Variants in BICRA observed in about 807,000 individuals in gnomAD.
BICRA encodes BRD4 interacting chromatin remodeling complex associated protein, also known as BRD4-interacting chromatin-remodeling complex-associated protein.
Under a neutral mutation model 96.9 loss-of-function variants are expected in BICRA, and 31 were observed. The observed-to-expected ratio is 0.32, with a 90% CI of 0.24 to 0.43. The LOEUF (loss-of-function observed/expected upper bound fraction) is 0.43. BICRA is among the 20% of genes least tolerant of loss of function. BICRA has a pLI of 1.00. For synonymous variants in BICRA, 1,350 were observed against 1,071.8 expected (o/e 1.26, Z -5.07); for missense variants, 2,283 against 2,190.3 (o/e 1.04, Z -0.84).
chr19:47,672,708 G>A (rs1972885492), intron 2 of BICRA, among the ~76,000 whole-genome samples: 1 of 151,952 alleles, frequency 6.6e-6, no homozygotes, highest in South Asian at 2.1e-4. Context: ...AATAAATACA[G>A]AGAACACCTG....
At chr19:47,616,152 A>G (rs1163908633) in intron 1 of BICRA, 1 of 152,388 alleles carries the variant, frequency 6.6e-6, no homozygotes, top group Admixed American at 6.5e-5. Context: ...AAGAGTGGGC[A>G]TGAGAGGAAA....
intron 1 of BICRA, among the ~76,000 whole-genome samples, chr19:47,637,741 T>C (rs1430632272): frequency 6.6e-6 from 1 of 152,174 alleles, no homozygotes; most frequent in Non-Finnish European, 1.5e-5. Flanking sequence ...TTTCGCTTCC[T>C]GTCTCCATGG....
At chr19:47,626,814 C>T (rs553718496) in intron 1 of BICRA, among the ~76,000 whole-genome samples, 28 of 151,084 alleles carry the variant, frequency 1.9e-4, no homozygotes, top group Admixed American at 4.6e-4. Context: ...CTCCACCTCC[C>T]GGGTTCAAGC....
At chr19:47,609,712 G>A (rs560646160) in intron 1 of BICRA, among the ~76,000 whole-genome samples, 48 of 151,994 alleles carry the variant, frequency 3.2e-4, no homozygotes, top group African/African-American at 1.0e-3. Flanking sequence ...CGGAGGCGGA[G>A]AGCCTGCATC....
At chr19:47,611,587 C>T (rs1260407320) in intron 1 of BICRA, among the ~76,000 whole-genome samples, 2 of 152,184 alleles carry the variant, frequency 1.3e-5, no homozygotes, top group African/African-American at 4.8e-5. Context: ...TCTGGTTGTT[C>T]CTATGCCCTG....
rs749651960 is a variant in BICRA at position 47,698,946 on chromosome 19, T to G, written c.3398-19T>G. The G allele has an allele frequency of 6.4e-7, 1 of 1,553,412 alleles. No individual in the cohort carries two copies. Among genetic ancestry groups the G allele is most frequent in the Admixed American group, 1.9e-5 (1 of 52,896 alleles). On this transcript the variant is annotated intron_variant, in intron 12 of 14. Coordinates refer to ENST00000594866, the MANE Select transcript of BICRA (RefSeq NM_001394372.1). The surrounding 1 kb of genome is among the most constrained non-coding windows in gnomAD (Gnocchi z 4.8). Reference sequence around the variant, plus strand: ...CGCCCCCAACATCTCCGCCCTTGCCTCTCTTCCCTTCCTCGCAGTGGACGA... The same window carrying G: ...CGCCCCCAACATCTCCGCCCTTGCCGCTCTTCCCTTCCTCGCAGTGGACGA...
At chr19:47,626,782 C>T (rs1020332490) in intron 1 of BICRA, among the ~76,000 whole-genome samples, 3 of 142,210 alleles carry the variant, frequency 2.1e-5, no homozygotes, top group Non-Finnish European at 3.0e-5. Flanking sequence ...AGTGCAATGG[C>T]GTGATCTCAG....
In BICRA at chr19:47,680,109, C is replaced by T. The variant is rs904896524; in HGVS notation, c.939C>T (p.Ala313=). 6.5e-7 allele frequency: 1 copy of T among 1,538,842 alleles called. No individual in the cohort carries two copies. The highest frequency in any genetic ancestry group is 2.0e-5 in the Admixed American group (1 of 49,260). The change falls in exon 6 of 15, where the codon GCC becomes GCT. Residue 313 remains alanine (A), a synonymous_variant. Coordinates refer to ENST00000594866, the MANE Select transcript of BICRA (RefSeq NM_001394372.1). ...CTGTGTTCGGAGGCGCGGGGGCCGC[C>T]TCGGCTCCCACCGGGACGCCCTCGG... The part of the protein sequence containing the change: ...GNSVFGGAGA[A]SAPTGTPSGQ...
rs1973322925 is a variant in BICRA, at chr19:47,695,403, G to A, written c.3115G>A (p.Ala1039Thr). 14 of 1,481,446 alleles carry A rather than the reference G, an allele frequency of 9.5e-6. No homozygotes were observed. Among genetic ancestry groups the A allele is most frequent in the Non-Finnish European group, 1.1e-5 (12 of 1,108,700 alleles). 91.8% of individuals were successfully genotyped at this position (1,481,446 alleles called of 1,614,324 possible). A position where few individuals can be genotyped will look rare whatever the true frequency, so the allele number is the denominator to read the frequency against. ...GCTTCCAGCCGAGAACAAGGCTTTTGCCAGCAACCTCCCGACCCTGAATGT... is the reference window on the plus strand; with the variant it reads ...GCTTCCAGCCGAGAACAAGGCTTTTACCAGCAACCTCCCGACCCTGAATGT... ...PLLPAENKAFASNLPTLNVAK... is the reference protein window; with the variant it reads ...PLLPAENKAFTSNLPTLNVAK... The change falls in exon 10 of 15, where the codon GCC (alanine) becomes ACC (threonine). Residue 1039 changes from alanine to threonine, a missense_variant. Transcript: ENST00000594866.
At position 47,698,775 on chromosome 19, in the gene BICRA, C is replaced by A; in HGVS notation, c.3390C>A (p.Tyr1130Ter). Reference protein sequence around the residue: ...YQGALPSPSDYHKVDEEFETV... With the variant: ...YQGALPSPSD ...GCGCCCTCCCCTCCCCCAGTGACTA[C>A]CACAAAGGTGAGGCCTCCCCAGGAC... The change falls in exon 12 of 15, where the codon TAC (tyrosine) becomes TAA (stop). Residue 1130 changes from tyrosine to a stop codon, truncating the protein, a stop_gained. Transcript: ENST00000594866. LOFTEE classifies it high-confidence loss of function. The surrounding 1 kb of genome is among the most constrained non-coding windows in gnomAD (Gnocchi z 4.8). 1 of 1,604,064 alleles carries A rather than the reference C, an allele frequency of 6.2e-7. No homozygotes were observed.
chr19:47,653,015 C>CTTTTTT (rs869230602), intron 1 of BICRA, among the ~76,000 whole-genome samples: 4 of 113,724 alleles, frequency 3.5e-5, no homozygotes, highest in Admixed American at 9.0e-5. Context: ...CGTCCTCATT[C>CTTTTTT]TTTTTTTTTT....
chr19:47,698,626 A>T lies in BICRA; in HGVS notation c.3249-8A>T. Reference sequence around the variant, plus strand: ...GCCGTGTGTGGTCTCTCCCCTTTCCACCCGCAGTTTCCTGGAGCATTTGCA... The same window carrying T: ...GCCGTGTGTGGTCTCTCCCCTTTCCTCCCGCAGTTTCCTGGAGCATTTGCA... On this transcript the variant is annotated splice_region_variant and splice_polypyrimidine_tract_variant and intron_variant, in intron 11 of 14. Transcript: ENST00000594866. The surrounding 1 kb of genome is among the most constrained non-coding windows in gnomAD (Gnocchi z 4.8). The T allele has an allele frequency of 1.8e-6, 2 of 1,130,008 alleles. No individual in the cohort carries two copies. Among genetic ancestry groups the T allele is most frequent in the Non-Finnish European group, 2.4e-6 (2 of 825,442 alleles). 70.0% of individuals were successfully genotyped at this position (1,130,008 alleles called of 1,614,324 possible). A position where few individuals can be genotyped will look rare whatever the true frequency, so the allele number is the denominator to read the frequency against.
chr19:47,623,834 TTCTC>T (rs912739990), intron 1 of BICRA, among the ~76,000 whole-genome samples: 3 of 150,178 alleles, frequency 2.0e-5, no homozygotes, highest in African/African-American at 4.9e-5. Flanking sequence ...GAAGTGTTCT[TTCTC>T]TCTCTCTCTT....
At chr19:47,695,175 G>T (rs1006927366) in intron 9 of BICRA, 95 bp downstream of exon 9, 2 of 875,462 alleles carry the variant, frequency 2.3e-6, no homozygotes, top group Non-Finnish European at 1.7e-6. Flanking sequence ...AGGGCTGTGG[G>T]ACTCAGCACA....
At chr19:47,677,712 A>G (rs542329246) in intron 5 of BICRA, among the ~76,000 whole-genome samples, 2 of 152,326 alleles carry the variant, frequency 1.3e-5, no homozygotes, top group South Asian at 2.1e-4. Flanking sequence ...AAACCCAAAG[A>G]AACAAAAAGC....
rs756541942 is a variant in BICRA at position 47,680,640 on chromosome 19, G to A, written c.1470G>A (p.Pro490=). Residue 490 remains proline (P), a synonymous_variant, in exon 6 of 15, where the codon CCG becomes CCA. Transcript: ENST00000594866. ...TCCCGCAGCAGCTCTCAGCCCTGCCGGCCAACGTGGGCGGGCAGATCCTGG... is the reference window on the plus strand; with the variant it reads ...TCCCGCAGCAGCTCTCAGCCCTGCCAGCCAACGTGGGCGGGCAGATCCTGG... ...VQLPQQLSAL[P]ANVGGQILAA... 3 of 1,609,214 alleles carry A rather than the reference G, an allele frequency of 1.9e-6. No individual in the cohort carries two copies. The highest frequency in any genetic ancestry group is 3.4e-5 in the Admixed American group (2 of 59,632).
intron 1 of BICRA, among the ~76,000 whole-genome samples, chr19:47,610,755 T>C (rs1430879475): frequency 6.6e-6 from 1 of 151,984 alleles, no homozygotes; most frequent in Non-Finnish European, 1.5e-5. Context: ...CATGATAAGC[T>C]CTCTGTGCTT....
At chr19:47,697,348 A>G (rs1973362462) in intron 11 of BICRA, among the ~76,000 whole-genome samples, 2 of 150,472 alleles carry the variant, frequency 1.3e-5, no homozygotes, top group South Asian at 4.4e-4. Context: ...AGCCGAGATC[A>G]TGCCATTGCA....
intron 1 of BICRA, among the ~76,000 whole-genome samples, chr19:47,669,999 T>G (rs1277432051): frequency 6.6e-6 from 1 of 150,760 alleles, no homozygotes; most frequent in Non-Finnish European, 1.5e-5. Context: ...TCGCCCAGGC[T>G]GGAGTGTAAT....
Sources: allele counts gnomAD v4.1 joint callset (sites outside exome capture counted in the v4.1 genomes callset), GRCh38; gene constraint gnomAD v4.1.1; non-coding constraint Gnocchi (gnomAD v3.1); transcripts MANE v1.5; gene names NCBI Gene and HGNC (gene_info 2026-07-23, HGNC 2026-07-21).